Variants in SOCS5 observed in about 807,000 individuals in gnomAD.
The protein encoded by SOCS5 is suppressor of cytokine signaling 5.
SOCS5 carries 32 observed loss-of-function variants against 42.8 expected under a neutral mutation model. The observed-to-expected ratio is 0.75, with a 90% CI of 0.56 to 1.01. SOCS5 has a LOEUF of 1.01. SOCS5 is among the 50% of genes least tolerant of loss of function. The probability of loss-of-function intolerance (pLI) is 0.00; values close to 1 mark genes in which losing one functional copy is unlikely to be tolerated. For missense variants in SOCS5, 627 were observed against 653.0 expected (o/e 0.96, Z 0.43); for synonymous variants, 283 against 229.6 (o/e 1.23, Z -2.10).
At chr2:46,752,244 T>C (rs1034845882) in intron 1 of SOCS5, among the ~76,000 whole-genome samples, 1 of 151,970 alleles carries the variant, frequency 6.6e-6, no homozygotes, top group East Asian at 1.9e-4. Flanking sequence ...TAGATGCTCA[T>C]AGGATTCAGC....
intron 1 of SOCS5, among the ~76,000 whole-genome samples, chr2:46,728,220 A>G (rs1673039396): frequency 6.6e-6 from 1 of 152,088 alleles, no homozygotes; most frequent in East Asian, 1.9e-4. Flanking sequence ...GAATTTTGAT[A>G]TTTTGCCATC....
intron 1 of SOCS5, among the ~76,000 whole-genome samples, chr2:46,704,135 T>C (rs1672407760): frequency 6.6e-6 from 1 of 152,218 alleles, no homozygotes; most frequent in South Asian, 2.1e-4. Flanking sequence ...AGTAATCTTT[T>C]TATCAAAGCT....
chr2:46,716,403 A>G (rs1258539227), intron 1 of SOCS5, among the ~76,000 whole-genome samples: 23 of 42,942 alleles, frequency 5.4e-4, no homozygotes, highest in African/African-American at 1.9e-3. Flanking sequence ...TTTTGCATAT[A>G]GTGTTTCTTG....
Position 46,760,004 on chromosome 2 carries a change from A to G in SOCS5, c.1474A>G (p.Ile492Val), listed in dbSNP as rs1170243863. Residue 492 changes from isoleucine to valine, a missense_variant, in exon 2 of 2, where the codon ATC becomes GTC. Around this residue, in one of 3 missense-constraint regions of SOCS5, gnomAD observed 340 missense variants for 367.6 expected, o/e 0.92. Transcript: ENST00000394861. Reference protein sequence around the residue: ...FSLQYICRAVICRCTTYDGID... With the variant: ...FSLQYICRAVVCRCTTYDGID... ...CCTGCAGTATATCTGTCGCGCGGTA[A>G]TCTGCAGGTGCACTACGTATGATGG... is the stretch of plus-strand genomic sequence containing the variant. The G allele has an allele frequency of 1.2e-6, 2 of 1,614,022 alleles. No individual in the cohort carries two copies. Among genetic ancestry groups the G allele is most frequent in the Non-Finnish European group, 1.7e-6 (2 of 1,180,020 alleles).
chr2:46,723,177 T>A (rs1293882165), intron 1 of SOCS5, among the ~76,000 whole-genome samples: 1 of 152,052 alleles, frequency 6.6e-6, no homozygotes, highest in African/African-American at 2.4e-5. Context: ...AGTTCATAAT[T>A]TTTTTTTCTT....
At chr2:46,726,697 C>T (rs1203316557) in intron 1 of SOCS5, among the ~76,000 whole-genome samples, 1 of 151,612 alleles carries the variant, frequency 6.6e-6, no homozygotes, top group Non-Finnish European at 1.5e-5. Context: ...TTATTAAGCC[C>T]ATCCAGTGAT....
intron 1 of SOCS5, among the ~76,000 whole-genome samples, chr2:46,731,874 C>T (rs1673131534): frequency 6.6e-6 from 1 of 152,196 alleles, no homozygotes; most frequent in Admixed American, 6.5e-5. Flanking sequence ...AAATATGGCA[C>T]TTTACCTTAA....
chr2:46,760,273 A>G lies in SOCS5; in HGVS notation c.*132A>G, dbSNP rs565987127. On this transcript the variant is annotated 3_prime_UTR_variant, in exon 2 of 2. Transcript: ENST00000394861. ...TAAGCTTAGTGTTAGTATCTGTCAGATGCTACCTGCTGTTACTTATTCAGA... is the reference window on the plus strand; with the variant it reads ...TAAGCTTAGTGTTAGTATCTGTCAGGTGCTACCTGCTGTTACTTATTCAGA... The G allele has an allele frequency of 4.7e-5, 31 of 657,054 alleles. No individual in the cohort carries two copies. The East Asian group carries it at 8.4e-4, about 18-fold the overall frequency. 40.7% of individuals were successfully genotyped at this position (657,054 alleles called of 1,614,324 possible). A position where few individuals can be genotyped will look rare whatever the true frequency, so the allele number is the denominator to read the frequency against.
intron 1 of SOCS5, among the ~76,000 whole-genome samples, chr2:46,730,925 C>G (rs1456807629): frequency 6.6e-6 from 1 of 152,182 alleles, no homozygotes; most frequent in Non-Finnish European, 1.5e-5. Context: ...AGTCCGAGCT[C>G]TCCTTTTACT....
At chr2:46,733,386 T>C (rs1013486783) in intron 1 of SOCS5, among the ~76,000 whole-genome samples, 1 of 152,068 alleles carries the variant, frequency 6.6e-6, no homozygotes, top group African/African-American at 2.4e-5. Flanking sequence ...TGAGCCACCA[T>C]GCCCAGCCAG....
At chr2:46,703,808 A>C (rs538168635) in intron 1 of SOCS5, among the ~76,000 whole-genome samples, 42 of 152,332 alleles carry the variant, frequency 2.8e-4, no homozygotes, top group Non-Finnish European at 5.4e-4. Flanking sequence ...CATCTTAACA[A>C]ATTCTTCATC....
intron 1 of SOCS5, among the ~76,000 whole-genome samples, chr2:46,735,267 T>G (rs1673218598): frequency 6.6e-6 from 1 of 152,186 alleles, no homozygotes; most frequent in African/African-American, 2.4e-5. Flanking sequence ...ACCCTTGTCC[T>G]TATGGTTCAA....
rs756650688 is a variant in SOCS5, at chr2:46,759,030, T to A, written c.500T>A (p.Val167Asp). Residue 167 changes from valine (V) to aspartate (D), a missense_variant, in exon 2 of 2, where the codon GTT becomes GAT. Around this residue, in one of 3 missense-constraint regions of SOCS5, gnomAD observed 278 missense variants for 246.3 expected, o/e 1.13. Transcript: ENST00000394861. The stretch of plus-strand genomic sequence containing the variant: ...AGTTCTGTACACGACATGGACAGTG[T>A]TTCCAGCAGAACTGTAGGAAGTCGC... The part of the protein sequence containing the change: ...GVSSVHDMDS[V>D]SSRTVGSRSL... 1 of 1,613,852 alleles carries A rather than the reference T, an allele frequency of 6.2e-7. No individual in the cohort carries two copies. Among genetic ancestry groups the A allele is most frequent in the Non-Finnish European group, 8.5e-7 (1 of 1,179,866 alleles).
intron 1 of SOCS5, among the ~76,000 whole-genome samples, chr2:46,703,665 A>G (rs1161922012): frequency 6.6e-6 from 1 of 152,200 alleles, no homozygotes; most frequent in African/African-American, 2.4e-5. Context: ...TGCCATTGTG[A>G]ATGGACTGTT....
upstream of SOCS5, chr2:46,699,189 G>C (rs932638927): frequency 6.5e-6 from 1 of 153,248 alleles, no homozygotes; most frequent in Admixed American, 6.5e-5. This position sits in a 1 kb window ranked among gnomAD's most constrained non-coding sequence, Gnocchi z 4.8. Context: ...ATTCTGGTGG[G>C]GGTTGGGGGG....
chr2:46,737,871 T>C (rs34186074), intron 1 of SOCS5, among the ~76,000 whole-genome samples: 41,038 of 151,394 alleles, frequency 0.27, 6,748 homozygotes, highest in Non-Finnish European at 0.37. Flanking sequence ...AAAAAAAAAA[T>C]TGGGATGTAA....
chr2:46,718,972 A>G (rs1048389571), intron 1 of SOCS5, among the ~76,000 whole-genome samples: 2 of 152,228 alleles, frequency 1.3e-5, no homozygotes, highest in African/African-American at 4.8e-5. Context: ...GATGCACACA[A>G]ATGTGTATGT....
chr2:46,709,514 A>AG (rs930903954), intron 1 of SOCS5, among the ~76,000 whole-genome samples: 3 of 152,208 alleles, frequency 2.0e-5, no homozygotes, highest in Non-Finnish European at 4.4e-5. Flanking sequence ...GGAGGTAGAA[A>AG]GACAAGGCTG....
intron 1 of SOCS5, among the ~76,000 whole-genome samples, chr2:46,714,747 A>G (rs1176754016): frequency 2.6e-5 from 4 of 152,190 alleles, no homozygotes; most frequent in African/African-American, 4.8e-5. Context: ...TAATTTTGAT[A>G]TAGTTGAATG....
Sources: allele counts gnomAD v4.1 joint callset (sites outside exome capture counted in the v4.1 genomes callset), GRCh38; gene constraint gnomAD v4.1.1; regional missense constraint gnomAD v4.1.1; non-coding constraint Gnocchi (gnomAD v3.1); transcripts MANE v1.5; gene names NCBI Gene and HGNC (gene_info 2026-07-23, HGNC 2026-07-21).